DYM: variants seen among roughly 807,000 people sequenced by gnomAD.
DYM encodes the protein dymeclin, also known as dyggve-Melchior-Clausen syndrome protein.
In DYM, 78 loss-of-function variants were observed where a neutral mutation model predicts 93.1. That is an observed-to-expected ratio of 0.84 (90% CI 0.70 to 1.01). The LOEUF (loss-of-function observed/expected upper bound fraction) is 1.01. Among genes scored for constraint, DYM ranks in the 50% least tolerant of loss-of-function variants. The pLI is 0.00. For missense variants in DYM, 789 were observed against 845.0 expected (o/e 0.93, Z 0.82); for synonymous variants, 321 against 319.7 (o/e 1.00, Z -0.04).
chr18:49,257,250 A>C (rs2094408356), intron 12 of DYM, 146 bp from the exon 13 acceptor site: 1 of 697,782 alleles, frequency 1.4e-6, no homozygotes, highest in Non-Finnish European at 2.6e-6. Context: ...CTAATTCCTA[A>C]ATCCATAAAG....
At chr18:49,362,684 C>T (rs78603160) in intron 6 of DYM, among the ~76,000 whole-genome samples, 13,858 of 152,086 alleles carry the variant, frequency 0.091, 858 homozygotes, top group East Asian at 0.31. Flanking sequence ...GAGCTTTACC[C>T]AGAGGTTTCA....
intron 14 of DYM, among the ~76,000 whole-genome samples, chr18:49,187,276 A>C (rs930480790): frequency 1.3e-5 from 2 of 152,134 alleles, no homozygotes; most frequent in African/African-American, 4.8e-5. Context: ...AAAATGGGTG[A>C]AGTGAAGATC....
intron 6 of DYM, among the ~76,000 whole-genome samples, chr18:49,356,767 G>C (rs1299955362): frequency 6.6e-6 from 1 of 152,086 alleles, no homozygotes; most frequent in East Asian, 1.9e-4. Context: ...TTCCACAGTA[G>C]AACATCTAAC....
chr18:49,200,222 A>T (rs1233750092), intron 14 of DYM, among the ~76,000 whole-genome samples: 1 of 152,068 alleles, frequency 6.6e-6, no homozygotes, highest in East Asian at 1.9e-4. Flanking sequence ...AAGTGAGAGA[A>T]AAAATTTATT....
chr18:49,250,331 G>T (rs181723264), intron 13 of DYM, among the ~76,000 whole-genome samples: 20 of 152,356 alleles, frequency 1.3e-4, no homozygotes, highest in Admixed American at 7.8e-4. Flanking sequence ...CCAGTATGTT[G>T]TAAGTACCTA....
intron 14 of DYM, among the ~76,000 whole-genome samples, chr18:49,200,253 A>C (rs1208037017): frequency 6.6e-6 from 1 of 152,098 alleles, no homozygotes; most frequent in African/African-American, 2.4e-5. Context: ...TAATTTTTTT[A>C]ATTTGTAAAA....
At chr18:49,231,475 T>A (rs1263711001) in intron 13 of DYM, among the ~76,000 whole-genome samples, 3 of 152,234 alleles carry the variant, frequency 2.0e-5, no homozygotes, top group African/African-American at 7.2e-5. Context: ...CAATTTTCCA[T>A]CCATCTCTCT....
chr18:49,171,759 G>A (rs552584800), intron 14 of DYM, among the ~76,000 whole-genome samples: 2 of 152,026 alleles, frequency 1.3e-5, no homozygotes, highest in East Asian at 3.9e-4. Context: ...ACACCCTCTG[G>A]GAAAGATTTC....
intron 14 of DYM, among the ~76,000 whole-genome samples, chr18:49,192,211 T>C (rs117443236): frequency 0.012 from 1,749 of 150,582 alleles, 10 homozygotes; most frequent in Non-Finnish European, 0.017. Flanking sequence ...CATGGGCCAC[T>C]GCACCTAGCC....
At chr18:49,419,142 C>A (rs2073346502) in intron 2 of DYM, among the ~76,000 whole-genome samples, 1 of 152,020 alleles carries the variant, frequency 6.6e-6, no homozygotes, top group Non-Finnish European at 1.5e-5. Context: ...GCAGGTGGAT[C>A]AGGAGGTCAG....
At chr18:49,201,249 C>T (rs2091965418) in intron 14 of DYM, among the ~76,000 whole-genome samples, 1 of 152,126 alleles carries the variant, frequency 6.6e-6, no homozygotes, top group Non-Finnish European at 1.5e-5. Flanking sequence ...TAACACAGTT[C>T]CTACTAATAT....
intron 15 of DYM, among the ~76,000 whole-genome samples, chr18:49,155,111 T>C (rs1052751384): frequency 1.6e-4 from 24 of 152,246 alleles, no homozygotes; most frequent in Non-Finnish European, 2.5e-4. Flanking sequence ...TGCTTATTTC[T>C]ATTTTTTGTT....
At chr18:49,086,587 G>A (rs183303788) in intron 17 of DYM, among the ~76,000 whole-genome samples, 16 of 152,298 alleles carry the variant, frequency 1.1e-4, no homozygotes, top group Admixed American at 5.9e-4. Context: ...TTCCCCTAAA[G>A]TTAATATGTG....
intron 5 of DYM, among the ~76,000 whole-genome samples, chr18:49,370,415 T>C (rs2066922923): frequency 6.6e-6 from 1 of 152,062 alleles, no homozygotes; most frequent in Admixed American, 6.5e-5. Flanking sequence ...ATCTTCAGCC[T>C]CTCAATCTCC....
chr18:49,455,001 TCTC>T (rs1318777841), intron 1 of DYM, among the ~76,000 whole-genome samples: 1 of 150,920 alleles, frequency 6.6e-6, no homozygotes, highest in Non-Finnish European at 1.5e-5. Flanking sequence ...TGCTCTCCTC[TCTC>T]CTTTCTTCTA....
intron 1 of DYM, among the ~76,000 whole-genome samples, chr18:49,439,525 T>C (rs1407241446): frequency 6.6e-6 from 1 of 152,160 alleles, no homozygotes; most frequent in African/African-American, 2.4e-5. Context: ...CACTTCTTCC[T>C]TATCCCTAAT....
Position 49,378,642 on chromosome 18 carries a change from C to T in DYM, c.346G>A (p.Val116Met), listed in dbSNP as rs147460002. Residue 116 changes from valine (V) to methionine (M), a missense_variant, in exon 5 of 18, where the codon GTG (valine) becomes ATG (methionine). Coordinates refer to ENST00000675505, the MANE Select transcript of DYM (RefSeq NM_001353214.3). ...ALFIICCLLK[V>M]FICQMSEEEL... ...TCCTCTGACATCTGACAGATGAACA[C>T]TTTCAGCAAACAGCAAATAATAAAC... 5.0e-6 allele frequency: 8 copies of T among 1,613,374 alleles called. No individual in the cohort carries two copies. Among genetic ancestry groups the T allele is most frequent in the Non-Finnish European group, 6.8e-6 (8 of 1,179,560 alleles).
At chr18:49,442,733 T>A (rs561009755) in intron 1 of DYM, among the ~76,000 whole-genome samples, 1 of 152,308 alleles carries the variant, frequency 6.6e-6, no homozygotes, top group East Asian at 1.9e-4. Context: ...GTTTCACATA[T>A]ACTAACTGAT....
intron 13 of DYM, among the ~76,000 whole-genome samples, chr18:49,221,452 C>T (rs1001033784): frequency 1.3e-5 from 2 of 152,042 alleles, no homozygotes; most frequent in Non-Finnish European, 2.9e-5. Context: ...AAGACACATG[C>T]ACACGTATGT....
Sources: allele counts gnomAD v4.1 joint callset (sites outside exome capture counted in the v4.1 genomes callset), GRCh38; gene constraint gnomAD v4.1.1; transcripts MANE v1.5; gene names NCBI Gene and HGNC (gene_info 2026-07-23, HGNC 2026-07-21).